Variants in SRC observed in about 807,000 individuals in gnomAD.
SRC encodes SRC proto-oncogene, non-receptor tyrosine kinase, also known as proto-oncogene tyrosine-protein kinase Src.
In SRC, 13 loss-of-function variants were observed where a neutral mutation model predicts 62.9. That is an observed-to-expected ratio of 0.21 (90% confidence interval 0.13 to 0.33). The LOEUF (loss-of-function observed/expected upper bound fraction) is 0.33. Ranked by LOEUF, SRC falls within the 10% of genes least tolerant of loss-of-function variation. The probability of loss-of-function intolerance (pLI) is 1.00; values close to 1 mark genes in which losing one functional copy is unlikely to be tolerated. For synonymous variants in SRC, 302 were observed against 317.5 expected (o/e 0.95, Z 0.52); for missense variants, 457 against 737.3 (o/e 0.62, Z 4.40).
intron 1 of SRC, among the ~76,000 whole-genome samples, chr20:37,349,762 G>A (rs1453737048): frequency 2.6e-5 from 4 of 152,184 alleles, no homozygotes; most frequent in Non-Finnish European, 5.9e-5. Context: ...AGCCAAGGCC[G>A]CCAATGTGCA....
intron 1 of SRC, among the ~76,000 whole-genome samples, chr20:37,355,912 C>A (rs1316412786): frequency 6.6e-6 from 1 of 152,188 alleles, no homozygotes; most frequent in African/African-American, 2.4e-5. Context: ...CAGGCAGAGC[C>A]TCAAACCCTC....
In SRC at chr20:37,389,396, G is replaced by A. The variant is rs6066167; in HGVS notation, c.350+3222G>A. ...AGCTGGCCTCTGCCTCCTTGCCCCC[G>A]GCATGGCGGCAGGGGGCACCTCGGG... is the stretch of plus-strand genomic sequence containing the variant. On this transcript the variant is annotated intron_variant, in intron 5 of 13. Transcript: ENST00000373578. 4.6e-5 allele frequency among the ~76,000 whole-genome samples: 7 copies of A among 152,120 alleles called. 1 individual carries two copies. The South Asian group carries it at 6.2e-4, about 14-fold the overall frequency.
rs1187638874 is a variant in SRC at position 37,367,669 on chromosome 20, T to G, written c.-173+2392T>G. On this transcript the variant is annotated intron_variant, in intron 2 of 13. Transcript: ENST00000373578. ...TTTTTTTTTTTTAATTTTGTAGAGA[T>G]AGGATCTTACTCTGCCACCCAGGCT... Among the ~76,000 whole-genome samples the G allele has an allele frequency of 2.0e-5, 3 of 151,104 alleles. No homozygotes were observed. In the East Asian group the frequency reaches 5.9e-4, roughly 30 times the overall value.
Position 37,351,419 on chromosome 20 carries a change from G to C in SRC, c.-247+5164G>C, listed in dbSNP as rs983682459. Among the ~76,000 whole-genome samples, 1 of 152,084 alleles carries C rather than the reference G, an allele frequency of 6.6e-6. No homozygotes were observed. Among genetic ancestry groups the C allele is most frequent in the African/African-American group, 2.4e-5 (1 of 41,414 alleles). On this transcript the variant is annotated intron_variant, in intron 1 of 13. Transcript: ENST00000373578. The surrounding 1 kb of genome is among the most constrained non-coding windows in gnomAD (Gnocchi z 4.4). ...AGTCTTTTTTGGTGCTCATGTAGGG[G>C]TGGGGATGTCTGTGGTGGGTGGGTG...
At chr20:37,388,084 G>GA (rs1283396246) in intron 5 of SRC, among the ~76,000 whole-genome samples, 1 of 152,232 alleles carries the variant, frequency 6.6e-6, no homozygotes. Flanking sequence ...CCGTGCAGGG[G>GA]AGGGGCGTCA....
rs148269899 is a variant in SRC, at chr20:37,399,498, TTGGA to T, written c.860-616_860-613del. ...TAACCCAGAAGTGACACCGGTTGAGTTGGAACCTTGGTCCCCTATCTGTCTAGGC... is the reference window on the plus strand; with the variant it reads ...TAACCCAGAAGTGACACCGGTTGAGTACCTTGGTCCCCTATCTGTCTAGGC... On this transcript the variant is annotated intron_variant, in intron 9 of 13. Coordinates refer to ENST00000373578, the MANE Select transcript of SRC (RefSeq NM_198291.3). Among the ~76,000 whole-genome samples the T allele has an allele frequency of 4.7e-3, 716 of 152,054 alleles. 7 individuals are homozygous for T. The highest frequency in any genetic ancestry group is 0.016 in the African/African-American group (684 of 41,462).
At chr20:37,388,230 G>A (rs1468690823) in intron 5 of SRC, among the ~76,000 whole-genome samples, 1 of 143,626 alleles carries the variant, frequency 7.0e-6, no homozygotes, top group Non-Finnish European at 1.5e-5. Flanking sequence ...TCAGAGAGTA[G>A]CCCCATGCTT....
intron 3 of SRC, among the ~76,000 whole-genome samples, chr20:37,383,093 T>C (rs961638163): frequency 4.6e-5 from 7 of 152,260 alleles, no homozygotes; most frequent in African/African-American, 1.7e-4. Flanking sequence ...GTGAACAAGA[T>C]GAACAAAAGC....
intron 5 of SRC, among the ~76,000 whole-genome samples, chr20:37,387,750 G>A (rs1030768153): frequency 1.8e-4 from 27 of 152,352 alleles, no homozygotes; most frequent in Non-Finnish European, 2.9e-4. Context: ...ACAGTGGCGG[G>A]TGCCCAGCAG....
At chr20:37,353,520 C>T (rs1275565945) in intron 1 of SRC, among the ~76,000 whole-genome samples, 1 of 152,162 alleles carries the variant, frequency 6.6e-6, no homozygotes, top group Non-Finnish European at 1.5e-5. Context: ...AGCAATGAGC[C>T]ACCGTGAGCC....
chr20:37,345,202 C>A (rs937383541), upstream of SRC, among the ~76,000 whole-genome samples: 1 of 152,172 alleles, frequency 6.6e-6, no homozygotes, highest in African/African-American at 2.4e-5. Flanking sequence ...CCAGGCCCAC[C>A]TTTCCCTGTG....
intron 1 of SRC, among the ~76,000 whole-genome samples, chr20:37,363,917 T>A (rs1182406834): frequency 1.3e-5 from 2 of 152,002 alleles, no homozygotes; most frequent in Non-Finnish European, 2.9e-5. Flanking sequence ...GCGTGGTGCA[T>A]GGCAGGTGCC....
intron 1 of SRC, among the ~76,000 whole-genome samples, chr20:37,355,644 C>T (rs188527014): frequency 4.6e-5 from 7 of 152,234 alleles, no homozygotes; most frequent in African/African-American, 1.4e-4. Context: ...CCCTATGGCA[C>T]GATGGGGTAG....
At chr20:37,345,983 C>T (rs931825972), upstream of SRC, among the ~76,000 whole-genome samples, 25 of 151,252 alleles carry the variant, frequency 1.7e-4, no homozygotes, top group Non-Finnish European at 2.5e-4. Flanking sequence ...AATCCGTCCC[C>T]GCGCGCTTCC....
In SRC at chr20:37,351,018, G is replaced by A. The variant is rs774078135; in HGVS notation, c.-247+4763G>A. Reference sequence around the variant, plus strand: ...AGAAAAATGCAGAGCTCTTGTCTTCGATCCAGGACTCTCCCCAGCCAGCCA... The same window carrying A: ...AGAAAAATGCAGAGCTCTTGTCTTCAATCCAGGACTCTCCCCAGCCAGCCA... On this transcript the variant is annotated intron_variant, in intron 1 of 13. Coordinates refer to ENST00000373578, the MANE Select transcript of SRC (RefSeq NM_198291.3). This position sits in a 1 kb window ranked among gnomAD's most constrained non-coding sequence, Gnocchi z 4.4. 2.6e-5 allele frequency among the ~76,000 whole-genome samples: 4 copies of A among 152,124 alleles called. No individual in the cohort carries two copies. The East Asian group carries it at 5.8e-4, about 22-fold the overall frequency.
In SRC at chr20:37,346,246, G is replaced by GCCCT. The variant is rs1164998311; in HGVS notation, c.-254_-253insCTCC. The GCCCT allele has an allele frequency of 2.7e-5, 4 of 149,748 alleles. No homozygotes were observed. Among genetic ancestry groups the GCCCT allele is most frequent in the Admixed American group, 1.3e-4 (2 of 15,128 alleles). 9.3% of individuals were successfully genotyped at this position (149,748 alleles called of 1,614,324 possible). ...CGTCTGCCGGTGAGCCCGCCCGCCC[G>GCCCT]CCGGCCCAGGTGAGCGCCCCCCGCC... On this transcript the variant is annotated 5_prime_UTR_variant, in exon 1 of 14. Transcript: ENST00000373578.
At chr20:37,360,117 G>A (rs1264937232) in intron 1 of SRC, among the ~76,000 whole-genome samples, 1 of 151,266 alleles carries the variant, frequency 6.6e-6, no homozygotes, top group Non-Finnish European at 1.5e-5. Context: ...ATATTTCAGT[G>A]TGTATCTCTA....
At chr20:37,359,287 T>C (rs1320770025) in intron 1 of SRC, among the ~76,000 whole-genome samples, 1 of 152,242 alleles carries the variant, frequency 6.6e-6, no homozygotes, top group Non-Finnish European at 1.5e-5. Flanking sequence ...GTTCTAGAGC[T>C]GCAGATAGCA....
At chr20:37,401,477 G>A (rs1359632293) in intron 10 of SRC, 125 bp from the exon 11 acceptor site, 31 of 669,620 alleles carry the variant, frequency 4.6e-5, no homozygotes, top group Non-Finnish European at 7.1e-5. Context: ...TCAGAGATGA[G>A]TTTACGTAAA....
Sources: allele counts gnomAD v4.1 joint callset (sites outside exome capture counted in the v4.1 genomes callset), GRCh38; gene constraint gnomAD v4.1.1; non-coding constraint Gnocchi (gnomAD v3.1); transcripts MANE v1.5; gene names NCBI Gene and HGNC (gene_info 2026-07-23, HGNC 2026-07-21).